AKAP9: variants seen among roughly 807,000 people sequenced by gnomAD.
AKAP9 encodes the protein A-kinase anchor protein 9.
AKAP9 carries 311 observed loss-of-function variants against 488.5 expected under a neutral mutation model. That is an observed-to-expected ratio of 0.64 (90% CI 0.58 to 0.70). AKAP9 has a LOEUF of 0.70. Among genes scored for constraint, AKAP9 ranks in the 30% least tolerant of loss-of-function variants. The probability of loss-of-function intolerance (pLI) is 0.00; values close to 1 mark genes in which losing one functional copy is unlikely to be tolerated. For missense variants in AKAP9, 4,215 were observed against 4,374.5 expected (o/e 0.96, Z 1.03); for synonymous variants, 1,462 against 1,483.5 (o/e 0.99, Z 0.33).
Position 92,008,912 on chromosome 7 carries a change from G to A in AKAP9, c.3319-3517G>A, listed in dbSNP as rs558116774. Among the ~76,000 whole-genome samples, 3 of 151,670 alleles carry A rather than the reference G, an allele frequency of 2.0e-5. No individual in the cohort carries two copies. In the South Asian group the frequency reaches 6.3e-4, roughly 32 times the overall value. On this transcript the variant is annotated intron_variant, in intron 8 of 49. Transcript: ENST00000356239. ...GAGGCAGGAGAATAGCTTGAACCCT[G>A]GAGGTGGAGTTTGCAGTGAGCTGAA... is the stretch of plus-strand genomic sequence containing the variant.
Position 92,084,905 on chromosome 7 carries a change from G to A in AKAP9, c.8797G>A (p.Glu2933Lys). 1 of 1,613,370 alleles carries A rather than the reference G, an allele frequency of 6.2e-7. No individual in the cohort carries two copies. The highest frequency in any genetic ancestry group is 1.7e-4 in the Middle Eastern group (1 of 6,058). The change falls in exon 35 of 50, where the codon GAA becomes AAA. Residue 2933 changes from glutamate (E) to lysine (K), a missense_variant. This residue lies in a region of AKAP9 where 1,476 missense variants were observed against 1,477.4 expected (regional missense o/e 1.00). Transcript: ENST00000356239. Reference protein sequence around the residue: ...IASEGRGEESESATDSFPKKI... With the variant: ...IASEGRGEESKSATDSFPKKI... The stretch of plus-strand genomic sequence containing the variant: ...ATCAGAAGGCCGAGGAGAAGAAAGT[G>A]AAAGTGCAACAGATTCCTTTCCAAA...
chr7:92,084,670 G>C lies in AKAP9; in HGVS notation c.8677G>C (p.Asp2893His), dbSNP rs142573103. 81 of 1,610,330 alleles carry C rather than the reference G, an allele frequency of 5.0e-5. No homozygotes were observed. In the African/African-American group the frequency reaches 9.2e-4, roughly 18 times the overall value. ...CTCAATTCCTGAGCTAGCACATTCT[G>C]ATGCTTACCAGACTAGAGAAATATG... ...GSSIPELAHSDAYQTREICSS... is the reference protein window; with the variant it reads ...GSSIPELAHSHAYQTREICSS... The change falls in exon 34 of 50, where the codon GAT becomes CAT. Residue 2893 changes from aspartate to histidine, a missense_variant. Asp to His is a moderately conservative substitution (Grantham distance 81, BLOSUM62 -1). Around this residue, in one of 5 missense-constraint regions of AKAP9, gnomAD observed 1,476 missense variants for 1,477.4 expected, o/e 1.00. Transcript: ENST00000356239.
Position 92,097,216 on chromosome 7 carries a change from G to A in AKAP9, c.10257G>A (p.Leu3419=). 1 of 1,612,536 alleles carries A rather than the reference G, an allele frequency of 6.2e-7. No homozygotes were observed. The highest frequency in any genetic ancestry group is 1.1e-5 in the South Asian group (1 of 90,556). The stretch of plus-strand genomic sequence containing the variant: ...AAGTGGAAGATCTTCAGCGCCAGCT[G>A]GAAGAGAAAAGACAACAAGTTTATA... ...QSKVEDLQRQ[L]EEKRQQVYKL... The change falls in exon 41 of 50, where the codon CTG becomes CTA. Residue 3419 remains leucine (L), a synonymous_variant. Transcript: ENST00000356239.
At chr7:92,096,641 A>G in intron 40 of AKAP9, 48 bp from the exon 41 acceptor site, 4 of 1,609,142 alleles carry the variant, frequency 2.5e-6, no homozygotes, top group Non-Finnish European at 3.4e-6. Context: ...CCGGCCAAGT[A>G]TTTTTAATAA....
Position 92,016,205 on chromosome 7 carries a change from C to A in AKAP9, c.3689C>A (p.Ser1230Tyr). 1 of 1,584,150 alleles carries A rather than the reference C, an allele frequency of 6.3e-7. No homozygotes were observed. The highest frequency in any genetic ancestry group is 1.1e-5 in the South Asian group (1 of 90,216). The change falls in exon 11 of 50, where the codon TCT (serine) becomes TAT (tyrosine). Residue 1230 changes from serine (S) to tyrosine (Y), a missense_variant. By Grantham distance (144) the Ser-to-Tyr change is moderately radical. Around this residue, in one of 5 missense-constraint regions of AKAP9, gnomAD observed 2,361 missense variants for 2,430.0 expected, o/e 0.97. Coordinates refer to ENST00000356239, the MANE Select transcript of AKAP9 (RefSeq NM_005751.5). Reference sequence around the variant, plus strand: ...GTAAATGCAGAAGACAAAGAGAATTCTGGTGATTACATTTCTGAAAATGAA... The same window carrying A: ...GTAAATGCAGAAGACAAAGAGAATTATGGTGATTACATTTCTGAAAATGAA... ...CEVNAEDKEN[S>Y]GDYISENEDP...
intron 3 of AKAP9, among the ~76,000 whole-genome samples, chr7:91,987,682 G>A (rs904198550): frequency 6.6e-6 from 1 of 152,124 alleles, no homozygotes; most frequent in African/African-American, 2.4e-5. Flanking sequence ...TTTGAGGCTT[G>A]AATTCCTCCA....
At chr7:91,995,458 A>G (rs914182056) in intron 6 of AKAP9, 145 bp from the exon 7 acceptor site, 10 of 672,716 alleles carry the variant, frequency 1.5e-5, no homozygotes, top group Non-Finnish European at 2.0e-5. Context: ...GGGTATACCT[A>G]TCTAGTCAGC....
intron 28 of AKAP9, among the ~76,000 whole-genome samples, chr7:92,072,228 C>T (rs1334523480): frequency 6.6e-6 from 1 of 152,112 alleles, no homozygotes; most frequent in Non-Finnish European, 1.5e-5. Context: ...TAATAACTGT[C>T]TACCTTTTAC....
intron 49 of AKAP9, among the ~76,000 whole-genome samples, chr7:92,109,651 A>G (rs1819051584): frequency 6.6e-6 from 1 of 152,178 alleles, no homozygotes; most frequent in African/African-American, 2.4e-5. Context: ...CAGCTTAAGT[A>G]TATGGGCTGG....
At chr7:91,989,482 C>A (rs1406500069) in intron 3 of AKAP9, among the ~76,000 whole-genome samples, 2 of 151,782 alleles carry the variant, frequency 1.3e-5, no homozygotes, top group Non-Finnish European at 2.9e-5. Flanking sequence ...TTTTTGATAC[C>A]CTTTGAGCAG....
At chr7:91,950,848 G>A (rs1021354300) in intron 1 of AKAP9, among the ~76,000 whole-genome samples, 4 of 152,126 alleles carry the variant, frequency 2.6e-5, no homozygotes, top group Admixed American at 1.3e-4. Flanking sequence ...GAAATAATGA[G>A]TTTTGGCTGA....
rs1403983007 is a variant in AKAP9, at chr7:92,070,098, G to C, written c.6399G>C (p.Glu2133Asp). 6.2e-7 allele frequency: 1 copy of C among 1,613,908 alleles called. No homozygotes were observed. Among genetic ancestry groups the C allele is most frequent in the Admixed American group, 1.7e-5 (1 of 59,978 alleles). Residue 2133 changes from glutamate to aspartate, a missense_variant, in exon 27 of 50, where the codon GAG becomes GAC. Physicochemically the swap from Glu to Asp is conservative, Grantham distance 45. This residue lies in a region of AKAP9 where 2,361 missense variants were observed against 2,430.0 expected (regional missense o/e 0.97). Transcript: ENST00000356239. ...GCAGTGAGCTTTTGCTCTCTAAAGA[G>C]CAGCTTCAAAGGGATATACAAGAAA... ...DKCSELLLSK[E>D]QLQRDIQERN... is the part of the protein sequence containing the mutation.
At chr7:91,983,802 G>C (rs1448111869) in intron 3 of AKAP9, among the ~76,000 whole-genome samples, 1 of 152,136 alleles carries the variant, frequency 6.6e-6, no homozygotes, top group Non-Finnish European at 1.5e-5. Flanking sequence ...AGCATCTGTT[G>C]TTTCCTGACT....
At position 92,079,511 on chromosome 7, in the gene AKAP9, A is replaced by G. The variant is rs748210411; in HGVS notation, c.7378A>G (p.Lys2460Glu). The G allele has an allele frequency of 8.1e-6, 13 of 1,613,964 alleles. No individual in the cohort carries two copies. Among genetic ancestry groups the G allele is most frequent in the Non-Finnish European group, 1.1e-5 (13 of 1,180,008 alleles). ...SVNVAIDHLS[K>E]DKPELEVVLT... ...TAACGTGGCTATAGATCATCTGAGCAAAGACAAACCTGAACTAGAAGTAGT... is the reference window on the plus strand; with the variant it reads ...TAACGTGGCTATAGATCATCTGAGCGAAGACAAACCTGAACTAGAAGTAGT... Residue 2460 changes from lysine (K) to glutamate (E), a missense_variant, in exon 31 of 50, where the codon AAA becomes GAA. Coordinates refer to ENST00000356239, the MANE Select transcript of AKAP9 (RefSeq NM_005751.5).
In AKAP9 at chr7:92,097,186, G is replaced by C; in HGVS notation, c.10227G>C (p.Gln3409His). 1 of 1,613,472 alleles carries C rather than the reference G, an allele frequency of 6.2e-7. No individual in the cohort carries two copies. The highest frequency in any genetic ancestry group is 2.2e-5 in the East Asian group (1 of 44,886). ...TEGQKKMHEL[Q>H]SKVEDLQRQL... ...GACAGAAAAAAATGCATGAGCTCCA[G>C]TCCAAAGTGGAAGATCTTCAGCGCC... is the stretch of plus-strand genomic sequence containing the variant. The change falls in exon 41 of 50, where the codon CAG becomes CAC. Residue 3409 changes from glutamine to histidine, a missense_variant. Gln to His is a conservative substitution (Grantham distance 24). Coordinates refer to ENST00000356239, the MANE Select transcript of AKAP9 (RefSeq NM_005751.5).
chr7:91,945,101 T>C (rs1286871277), intron 1 of AKAP9, among the ~76,000 whole-genome samples: 1 of 152,076 alleles, frequency 6.6e-6, no homozygotes, highest in Non-Finnish European at 1.5e-5. Flanking sequence ...GATGGCTCAC[T>C]CCTGTAATCC....
At chr7:92,080,901 A>G (rs775754061) in intron 31 of AKAP9, among the ~76,000 whole-genome samples, 2 of 152,060 alleles carry the variant, frequency 1.3e-5, no homozygotes, top group Non-Finnish European at 2.9e-5. Flanking sequence ...TTGCTTACGT[A>G]CTCCTAAGTT....
intron 1 of AKAP9, chr7:91,970,641 A>G (rs2130549796): frequency 2.7e-6 from 1 of 373,242 alleles, no homozygotes; most frequent in South Asian, 2.2e-5. Flanking sequence ...CACTTTGAAC[A>G]TGTTGTCCCA....
At chr7:92,040,403 T>C (rs1240473663) in intron 17 of AKAP9, among the ~76,000 whole-genome samples, 1 of 152,146 alleles carries the variant, frequency 6.6e-6, no homozygotes, top group Admixed American at 6.5e-5. Flanking sequence ...TTCTTTTTTT[T>C]CTATTAGAAT....
Sources: allele counts gnomAD v4.1 joint callset (sites outside exome capture counted in the v4.1 genomes callset), GRCh38; gene constraint gnomAD v4.1.1; regional missense constraint gnomAD v4.1.1; transcripts MANE v1.5; gene names NCBI Gene and HGNC (gene_info 2026-07-23, HGNC 2026-07-21).